BAIAP2L2: variants seen among roughly 807,000 people sequenced by gnomAD.
BAIAP2L2 encodes the protein BAR/IMD domain-containing adapter protein 2-like 2.
In BAIAP2L2, 65 loss-of-function variants were observed where a neutral mutation model predicts 60.4. The observed-to-expected ratio is 1.08, with a 90% CI of 0.88 to 1.32. The LOEUF is 1.32. Among genes scored for constraint, BAIAP2L2 ranks in the 40% most tolerant of loss-of-function variants. The pLI is 0.00. For missense variants in BAIAP2L2, 836 were observed against 741.2 expected, an observed-to-expected ratio of 1.13 and a Z score of -1.48; for synonymous variants, 344 against 301.7, an observed-to-expected ratio of 1.14 and a Z score of -1.45.
chr22:38,097,193 G>C lies in BAIAP2L2; in HGVS notation c.466-15C>G, dbSNP rs770174913. The C allele has an allele frequency of 2.5e-6, 4 of 1,609,304 alleles. No homozygotes were observed. Among genetic ancestry groups the C allele is most frequent in the Non-Finnish European group, 3.4e-6 (4 of 1,176,774 alleles). On this transcript the variant is annotated splice_polypyrimidine_tract_variant and intron_variant, in intron 6 of 13. Coordinates refer to ENST00000381669, the MANE Select transcript of BAIAP2L2 (RefSeq NM_025045.6). ...TTCACACTCTCCTGGGGGGGAACGGGAGTTCTGGCTGGGGGCGGTGGGTGT... is the reference window on the plus strand; with the variant it reads ...TTCACACTCTCCTGGGGGGGAACGGCAGTTCTGGCTGGGGGCGGTGGGTGT...
At chr22:38,096,409 C>T (rs1354876452) in intron 7 of BAIAP2L2, among the ~76,000 whole-genome samples, 2 of 152,198 alleles carry the variant, frequency 1.3e-5, no homozygotes, top group East Asian at 3.8e-4. Flanking sequence ...AATCGCAGCA[C>T]TTTGGGAGGC....
chr22:38,092,761 T>G (rs997064652), intron 7 of BAIAP2L2, among the ~76,000 whole-genome samples: 1 of 118,268 alleles, frequency 8.5e-6, no homozygotes, highest in African/African-American at 3.7e-5. Flanking sequence ...CCCCCAGTGT[T>G]GGAGGTGGGA....
intron 4 of BAIAP2L2, among the ~76,000 whole-genome samples, chr22:38,105,795 T>C (rs188606341): frequency 6.6e-6 from 1 of 152,314 alleles, no homozygotes; most frequent in African/African-American, 2.4e-5. Flanking sequence ...GCTCCCTCTT[T>C]GGCATGGCAG....
intron 7 of BAIAP2L2, among the ~76,000 whole-genome samples, chr22:38,096,661 A>G (rs2086435604): frequency 1.3e-5 from 2 of 152,154 alleles, no homozygotes; most frequent in Non-Finnish European, 2.9e-5. Flanking sequence ...GTCTCAAAAA[A>G]TAAATAAATA....
chr22:38,100,671 C>T (rs571564833), intron 4 of BAIAP2L2, among the ~76,000 whole-genome samples: 1 of 152,262 alleles, frequency 6.6e-6, no homozygotes, highest in East Asian at 1.9e-4. Context: ...CTCCTGAGGC[C>T]CTCATGAGAA....
chr22:38,109,029 T>C lies in BAIAP2L2; in HGVS notation c.127+104A>G, dbSNP rs370461139. On this transcript the variant is annotated intron_variant, in intron 2 of 13. Transcript: ENST00000381669. ...GGTGGTGGGTAGGAGGGTGTAGGGT[T>C]GAGGATGAACAGGTGTGGGATGCAG... 4.4e-5 allele frequency: 42 copies of C among 954,188 alleles called. No individual in the cohort carries two copies. In the South Asian group the frequency reaches 4.8e-4, roughly 11 times the overall value. 59.1% of individuals were successfully genotyped at this position (954,188 alleles called of 1,614,324 possible).
intron 11 of BAIAP2L2, among the ~76,000 whole-genome samples, 153 bp from the exon 12 acceptor site, chr22:38,086,602 A>G (rs1184952210): frequency 6.6e-6 from 1 of 152,038 alleles, no homozygotes; most frequent in African/African-American, 2.4e-5. Flanking sequence ...GGAGGTCCTG[A>G]GAGGAGGCAG....
At chr22:38,102,256 C>T (rs1395864019) in intron 4 of BAIAP2L2, among the ~76,000 whole-genome samples, 2 of 151,942 alleles carry the variant, frequency 1.3e-5, no homozygotes, top group African/African-American at 4.8e-5. Flanking sequence ...CAGACAGGGC[C>T]CATGTGGAGG....
In BAIAP2L2 at chr22:38,086,347, G is replaced by GGAGTTGCC. The variant is rs767707937; in HGVS notation, c.1361_1362insGGCAACTC (p.Thr455AlafsTer40). The GGAGTTGCC allele has an allele frequency of 9.0e-6, 7 of 779,500 alleles. No individual in the cohort carries two copies. Among genetic ancestry groups the GGAGTTGCC allele is most frequent in the Middle Eastern group, 3.6e-4 (1 of 2,786 alleles). 48.3% of individuals were successfully genotyped at this position (779,500 alleles called of 1,614,324 possible). A position where few individuals can be genotyped will look rare whatever the true frequency, so the allele number is the denominator to read the frequency against. On this transcript the variant is annotated frameshift_variant, in exon 12 of 14. Coordinates refer to ENST00000381669, the MANE Select transcript of BAIAP2L2 (RefSeq NM_025045.6). LOFTEE classifies it high-confidence loss of function. Reference sequence around the variant, plus strand: ...CACGGCTTGGCACCCGGCTTGGGGTGCGGGAGCGGGACTGGCCATCCCAGT... The same window carrying GGAGTTGCC: ...CACGGCTTGGCACCCGGCTTGGGGTGGAGTTGCCCGGGAGCGGGACTGGCCATCCCAGT...
At chr22:38,097,718 G>C (rs1569225765) in intron 6 of BAIAP2L2, among the ~76,000 whole-genome samples, 1 of 152,086 alleles carries the variant, frequency 6.6e-6, no homozygotes, top group Non-Finnish European at 1.5e-5. Flanking sequence ...GAGGGGAGGA[G>C]GATGGGCGGC....
At chr22:38,104,582 G>A (rs1377553954) in intron 4 of BAIAP2L2, among the ~76,000 whole-genome samples, 2 of 148,438 alleles carry the variant, frequency 1.3e-5, no homozygotes, top group African/African-American at 2.5e-5. Flanking sequence ...TGCAAGCTCC[G>A]CCTCCCGGGT....
intron 10 of BAIAP2L2, among the ~76,000 whole-genome samples, chr22:38,087,669 G>A (rs551448733): frequency 6.6e-6 from 1 of 151,640 alleles, no homozygotes; most frequent in African/African-American, 2.4e-5. Flanking sequence ...ACCCCCTTCC[G>A]TTCCTGTCCC....
At chr22:38,089,784 G>T in intron 7 of BAIAP2L2, 110 bp from the exon 8 acceptor site, 1 of 1,085,204 alleles carries the variant, frequency 9.2e-7, no homozygotes, top group South Asian at 4.7e-5. Flanking sequence ...AGCTCGGGAC[G>T]ACCGGATTTT....
Position 38,087,148 on chromosome 22 carries a change from TTCATGGGTG to T in BAIAP2L2, c.1226_1234del (p.Thr409_Met411del). On this transcript the variant is annotated inframe_deletion, in exon 11 of 14. Transcript: ENST00000381669. The stretch of plus-strand genomic sequence containing the variant: ...CCTGGAAGGCAGCTCGTTCCCGGGG[TTCATGGGTG>T]TCATGGGGGACATGGAGGTCATGGA... 6.3e-7 allele frequency: 1 copy of T among 1,591,928 alleles called. No individual in the cohort carries two copies. Among genetic ancestry groups the T allele is most frequent in the East Asian group, 2.3e-5 (1 of 43,640 alleles).
In BAIAP2L2 at chr22:38,086,423, C is replaced by G; in HGVS notation, c.1286G>C (p.Ser429Thr). 2.6e-6 allele frequency: 4 copies of G among 1,520,612 alleles called. No individual in the cohort carries two copies. The highest frequency in any genetic ancestry group is 3.5e-6 in the Non-Finnish European group (4 of 1,129,092). The allele number at this position is 1,520,612 out of a possible 1,614,324, so 94.2% of individuals were successfully genotyped here. Residue 429 changes from serine to threonine, a missense_variant, in exon 12 of 14, where the codon AGC becomes ACC. By Grantham distance (58) the Ser-to-Thr change is moderately conservative (BLOSUM62 1). Coordinates refer to ENST00000381669, the MANE Select transcript of BAIAP2L2 (RefSeq NM_025045.6). ...SRSYPLRGSH[S>T]LDDLLDRPGN... ...CGGCCGGTCCAGGAGGTCATCGAGG[C>G]TGTGGCTGCCCCGGAGTGGGTAGGA...
intron 7 of BAIAP2L2, among the ~76,000 whole-genome samples, chr22:38,094,889 T>C (rs2086393075): frequency 6.6e-6 from 1 of 152,010 alleles, no homozygotes; most frequent in Non-Finnish European, 1.5e-5. Context: ...TGGTGGCTCA[T>C]GCCTGTAATG....
intron 7 of BAIAP2L2, chr22:38,090,118 T>TTTTATTTTTTTA (rs1555964437): frequency 8.1e-6 from 1 of 123,086 alleles, no homozygotes; most frequent in Admixed American, 9.4e-5. Context: ...TTTTTTTTTT[T>TTTTATTTTTTTA]TTTTTTTTTT....
chr22:38,099,028 A>T (rs1361481895), intron 4 of BAIAP2L2, among the ~76,000 whole-genome samples: 2 of 152,220 alleles, frequency 1.3e-5, no homozygotes, highest in African/African-American at 4.8e-5. Context: ...CCCAGCAAAA[A>T]CACTCAGAAG....
At position 38,108,284 on chromosome 22, in the gene BAIAP2L2, G is replaced by A. The variant is rs1401452882; in HGVS notation, c.185C>T (p.Ala62Val). ...FSAIQKIGERALQSPTSQILG... is the reference protein window; with the variant it reads ...FSAIQKIGERVLQSPTSQILG... ...AATCTGTGAGGTGGGGCTCTGCAGG[G>A]CACGCTCCCCAATCTTCTGGATGGC... is the stretch of plus-strand genomic sequence containing the variant. The change falls in exon 3 of 14, where the codon GCC becomes GTC. Residue 62 changes from alanine to valine, a missense_variant. Ala to Val is a moderately conservative substitution (Grantham distance 64). Coordinates refer to ENST00000381669, the MANE Select transcript of BAIAP2L2 (RefSeq NM_025045.6). 6.2e-7 allele frequency: 1 copy of A among 1,612,688 alleles called. No individual in the cohort carries two copies. Among genetic ancestry groups the A allele is most frequent in the Non-Finnish European group, 8.5e-7 (1 of 1,179,876 alleles).
Sources: allele counts gnomAD v4.1 joint callset (sites outside exome capture counted in the v4.1 genomes callset), GRCh38; gene constraint gnomAD v4.1.1; transcripts MANE v1.5; gene names NCBI Gene and HGNC (gene_info 2026-07-23, HGNC 2026-07-21).